CARS2: variants seen among roughly 807,000 people sequenced by gnomAD.
CARS2 encodes the protein cysteinyl-tRNA synthetase 2, mitochondrial.
A neutral mutation model predicts 68.8 loss-of-function variants in CARS2; 52 were observed. That is an observed-to-expected ratio of 0.76 (90% confidence interval 0.61 to 0.95). The LOEUF (loss-of-function observed/expected upper bound fraction) is 0.95. Ranked by LOEUF, CARS2 falls within the 40% of genes least tolerant of loss-of-function variation. CARS2 has a pLI of 0.00. For synonymous variants in CARS2, 314 were observed against 303.6 expected (o/e 1.03, Z -0.36); for missense variants, 780 against 754.2 (o/e 1.03, Z -0.40).
chr13:110,666,886 T>C (rs907671961), intron 8 of CARS2: 2 of 985,326 alleles, frequency 2.0e-6, no homozygotes, highest in Non-Finnish European at 2.4e-6. Context: ...GTTCGAGGTG[T>C]TGCTTAACTC....
At chr13:110,659,992 A>G (rs1295506504) in intron 9 of CARS2, among the ~76,000 whole-genome samples, 1 of 152,254 alleles carries the variant, frequency 6.6e-6, no homozygotes, top group Admixed American at 6.5e-5. Flanking sequence ...AATTGGAGCC[A>G]ATCCTCTCAA....
intron 6 of CARS2, among the ~76,000 whole-genome samples, chr13:110,680,147 AGGGGGG>A (rs56104854): frequency 0.17 from 20,549 of 121,604 alleles, 1,209 homozygotes; most frequent in Middle Eastern, 0.2. Context: ...TGGGAGGCCG[AGGGGGG>A]GGGGGGGGGG....
At chr13:110,647,338 G>T in intron 10 of CARS2, 99 bp from the exon 11 acceptor site, 1 of 1,424,328 alleles carries the variant, frequency 7.0e-7, no homozygotes. Context: ...TGCCACCCAG[G>T]GACCACACGG....
chr13:110,712,310 A>C (rs898044997), intron 1 of CARS2: 1 of 154,170 alleles, frequency 6.5e-6, no homozygotes, highest in African/African-American at 2.4e-5. Context: ...GCTGAAAAAA[A>C]GACAATGCAA....
In CARS2 at chr13:110,705,916, C is replaced by T. The variant is rs199874662; in HGVS notation, c.178G>A (p.Gly60Arg). 6.3e-7 allele frequency: 1 copy of T among 1,575,650 alleles called. No individual in the cohort carries two copies. Among genetic ancestry groups the T allele is most frequent in the South Asian group, 1.2e-5 (1 of 86,412 alleles). ...TGVQVYNSLT[G>R]RKEPLIVAHA... ...GCCACGATTAGGGGTTCCTTCCTCC[C>T]GGTGAGGCTGTTGTACACCTGCACA... Residue 60 changes from glycine (G) to arginine (R), a missense_variant, in exon 1 of 15, where the codon GGG becomes AGG. Physicochemically the swap from Gly to Arg is moderately radical, Grantham distance 125. Transcript: ENST00000257347. The surrounding 1 kb of genome is among the most constrained non-coding windows in gnomAD (Gnocchi z 4.0).
chr13:110,662,290 CT>C (rs748030840), intron 9 of CARS2, among the ~76,000 whole-genome samples: 30,498 of 150,640 alleles, frequency 0.2, 3,555 homozygotes, highest in Admixed American at 0.3. Context: ...TCCGACCCCC[CT>C]CTGCGTCATG....
intron 14 of CARS2, 129 bp downstream of exon 14, chr13:110,642,186 G>T (rs898828300): frequency 8.3e-6 from 6 of 725,896 alleles, no homozygotes; most frequent in Non-Finnish European, 1.4e-5. Flanking sequence ...CAGCCTGGGT[G>T]ACAAGAGTGA....
chr13:110,661,650 C>T (rs2062505579), intron 9 of CARS2, among the ~76,000 whole-genome samples: 1 of 152,242 alleles, frequency 6.6e-6, no homozygotes, highest in Admixed American at 6.5e-5. Flanking sequence ...CAGCTTTTGA[C>T]ATACCCTCCT....
intron 7 of CARS2, among the ~76,000 whole-genome samples, chr13:110,674,533 T>C (rs1378820389): frequency 6.6e-6 from 1 of 151,960 alleles, no homozygotes; most frequent in East Asian, 1.9e-4. Context: ...TGAAACTGGA[T>C]CCCTATCCTT....
chr13:110,657,791 T>G (rs2062407305), intron 9 of CARS2, among the ~76,000 whole-genome samples: 1 of 152,284 alleles, frequency 6.6e-6, no homozygotes, highest in East Asian at 1.9e-4. Context: ...ATGCTTAATA[T>G]TCATAAGAAG....
chr13:110,661,654 C>T (rs922084639), intron 9 of CARS2, among the ~76,000 whole-genome samples: 2 of 152,332 alleles, frequency 1.3e-5, no homozygotes, highest in Non-Finnish European at 2.9e-5. Flanking sequence ...TTTTGACATA[C>T]CCTCCTCATT....
At chr13:110,695,861 G>A (rs1340248978) in intron 3 of CARS2, among the ~76,000 whole-genome samples, 2 of 151,540 alleles carry the variant, frequency 1.3e-5, no homozygotes, top group Non-Finnish European at 2.9e-5. Context: ...ACGTGCCATG[G>A]TGGTTTGCTG....
intron 11 of CARS2, 147 bp from the exon 12 acceptor site, chr13:110,646,237 G>T: frequency 2.3e-6 from 2 of 874,978 alleles, no homozygotes; most frequent in Non-Finnish European, 3.3e-6. Context: ...TTGAGTTCCT[G>T]AGTAGCAGAA....
In CARS2 at chr13:110,668,664, G is replaced by GCC. The variant is rs2062719006; in HGVS notation, c.786-1193_786-1192dup. On this transcript the variant is annotated intron_variant, in intron 7 of 14. Coordinates refer to ENST00000257347, the MANE Select transcript of CARS2 (RefSeq NM_024537.4). This position sits in a 1 kb window ranked among gnomAD's most constrained non-coding sequence, Gnocchi z 4.1. ...CAGGAGTGGGGAGGGGATGGGAGGG[G>GCC]CCTCATTTGTATTTGGATGGGCAAT... Among the ~76,000 whole-genome samples the GCC allele has an allele frequency of 6.6e-6, 1 of 152,190 alleles. No homozygotes were observed. Among genetic ancestry groups the GCC allele is most frequent in the South Asian group, 2.1e-4 (1 of 4,830 alleles).
At chr13:110,666,258 C>A (rs1213305770) in intron 8 of CARS2, 2 of 985,300 alleles carry the variant, frequency 2.0e-6, no homozygotes, top group Non-Finnish European at 2.4e-6. Context: ...GTGAGGGCGG[C>A]AGGCGTTTGT....
At chr13:110,692,191 C>T (rs1188018444) in intron 3 of CARS2, among the ~76,000 whole-genome samples, 1 of 151,280 alleles carries the variant, frequency 6.6e-6, no homozygotes, top group Non-Finnish European at 1.5e-5. Context: ...ATTTGGTGGC[C>T]GGGCGCAGTG....
chr13:110,684,485 G>A (rs929408447), intron 5 of CARS2, among the ~76,000 whole-genome samples: 4 of 150,530 alleles, frequency 2.7e-5, no homozygotes, highest in East Asian at 2.0e-4. Context: ...GGTCAACCCC[G>A]AATGACCAGG....
At chr13:110,699,004 C>T (rs2063705014) in intron 3 of CARS2, among the ~76,000 whole-genome samples, 1 of 136,260 alleles carries the variant, frequency 7.3e-6, no homozygotes, top group Non-Finnish European at 1.6e-5. Flanking sequence ...ACAGTGTGAC[C>T]CTGTCTCCAA....
Position 110,665,054 on chromosome 13 carries a change from C to T in CARS2, c.920-1536G>A, listed in dbSNP as rs2062611768. 1 of 985,324 alleles carries T rather than the reference C, an allele frequency of 1.0e-6. No individual in the cohort carries two copies. The highest frequency in any genetic ancestry group is 1.2e-6 in the Non-Finnish European group (1 of 829,940). 61.0% of individuals were successfully genotyped at this position (985,324 alleles called of 1,614,324 possible). ...GTACAGGAGAACAGGTGTCACTTCT[C>T]CTGCGTCAGGAGACACTGATGTTTT... On this transcript the variant is annotated intron_variant, in intron 8 of 14. Coordinates refer to ENST00000257347, the MANE Select transcript of CARS2 (RefSeq NM_024537.4). The surrounding 1 kb of genome is among the most constrained non-coding windows in gnomAD (Gnocchi z 4.3).
Sources: gnomAD v4.1 joint callset for allele counts (sites outside exome capture counted in the v4.1 genomes callset) on GRCh38, gnomAD v4.1.1 for gene constraint, Gnocchi (gnomAD v3.1) non-coding constraint, MANE v1.5 for transcripts, NCBI Gene and HGNC (gene_info 2026-07-23, HGNC 2026-07-21) for gene names.